CADM2: variants seen among roughly 807,000 people sequenced by gnomAD.
CADM2 encodes the protein cell adhesion molecule 2.
CADM2 carries 12 observed loss-of-function variants against 49.8 expected under a neutral mutation model. The observed-to-expected ratio is 0.24, with a 90% CI of 0.15 to 0.39. The LOEUF is 0.39. CADM2 is among the 10% of genes least tolerant of loss of function. The pLI is 1.00. For synonymous variants in CADM2, 214 were observed against 175.4 expected (o/e 1.22, Z -1.74); for missense variants, 378 against 492.3 (o/e 0.77, Z 2.20).
At chr3:85,442,154 G>T (rs1045414740) in intron 1 of CADM2, among the ~76,000 whole-genome samples, 3 of 151,970 alleles carry the variant, frequency 2.0e-5, no homozygotes, top group African/African-American at 7.2e-5. Context: ...CGTCATAAAA[G>T]AAACCATGTT....
intron 1 of CADM2, among the ~76,000 whole-genome samples, chr3:84,960,842 T>C (rs1197067342): frequency 6.6e-6 from 1 of 152,034 alleles, no homozygotes; most frequent in African/African-American, 2.4e-5. Context: ...GAGGACACTT[T>C]GGGTGGTGGA....
intron 1 of CADM2, among the ~76,000 whole-genome samples, chr3:85,228,944 T>C (rs901859304): frequency 6.6e-6 from 1 of 152,170 alleles, no homozygotes; most frequent in Non-Finnish European, 1.5e-5. Flanking sequence ...CCCCAGGTAC[T>C]CTGTCCCAGG....
intron 1 of CADM2, among the ~76,000 whole-genome samples, chr3:85,520,387 C>A (rs773905389): frequency 6.6e-6 from 1 of 151,814 alleles, no homozygotes; most frequent in Non-Finnish European, 1.5e-5. Context: ...ATGTTGATTT[C>A]TGCATATATA....
At chr3:85,997,272 C>T (rs1368117858) in intron 8 of CADM2, among the ~76,000 whole-genome samples, 1 of 152,084 alleles carries the variant, frequency 6.6e-6, no homozygotes, top group Non-Finnish European at 1.5e-5. Context: ...AGAATAAAAG[C>T]CCTGTGTATT....
chr3:85,322,830 A>T (rs1403842291), intron 1 of CADM2, among the ~76,000 whole-genome samples: 1 of 152,254 alleles, frequency 6.6e-6, no homozygotes, highest in Middle Eastern at 3.4e-3. Context: ...GAGAGCAGAA[A>T]CTCTTGAATG....
intron 1 of CADM2, among the ~76,000 whole-genome samples, chr3:85,598,842 AGTGTGT>A (rs532715696): frequency 9.6e-5 from 13 of 135,436 alleles, no homozygotes; most frequent in Admixed American, 7.4e-4. Flanking sequence ...CATATACTTA[AGTGTGT>A]GTGTGTGTAT....
intron 1 of CADM2, among the ~76,000 whole-genome samples, chr3:85,400,472 T>C (rs1457982183): frequency 6.6e-6 from 1 of 152,146 alleles, no homozygotes; most frequent in Non-Finnish European, 1.5e-5. Flanking sequence ...ATAAAATGAG[T>C]TAGGGAGCAT....
chr3:85,383,002 C>G (rs2033989196), intron 1 of CADM2, among the ~76,000 whole-genome samples: 1 of 152,076 alleles, frequency 6.6e-6, no homozygotes, highest in Non-Finnish European at 1.5e-5. Flanking sequence ...TGCTGAAAAC[C>G]TAACTTAGGA....
chr3:85,348,870 A>G (rs2031047883), intron 1 of CADM2, among the ~76,000 whole-genome samples: 1 of 152,164 alleles, frequency 6.6e-6, no homozygotes, highest in Admixed American at 6.5e-5. Context: ...TAATAATCAT[A>G]TATTCAGAAA....
chr3:86,016,690 A>T (rs1254112526), intron 8 of CADM2, among the ~76,000 whole-genome samples: 1 of 152,140 alleles, frequency 6.6e-6, no homozygotes, highest in African/African-American at 2.4e-5. Flanking sequence ...CTATAATCTT[A>T]ACCTCCTGAA....
intron 1 of CADM2, among the ~76,000 whole-genome samples, chr3:85,568,441 T>TTTTCTTTCTTTCTTTCTCTTTCTCTCTC (rs2062349899): frequency 7.3e-5 from 2 of 27,492 alleles, no homozygotes; most frequent in African/African-American, 2.5e-4. Context: ...CTTTCTTTCT[T>TTTTCTTTCTTTCTTTCTCTTTCTCTCTC]TCTTTCTTTC....
At chr3:85,416,966 G>A (rs1321450326) in intron 1 of CADM2, among the ~76,000 whole-genome samples, 1 of 151,816 alleles carries the variant, frequency 6.6e-6, no homozygotes, top group African/African-American at 2.4e-5. Context: ...TTTTTCAATT[G>A]TGCTTTATTC....
At chr3:85,853,340 G>A (rs543872084) in intron 3 of CADM2, among the ~76,000 whole-genome samples, 4 of 151,676 alleles carry the variant, frequency 2.6e-5, no homozygotes, top group East Asian at 1.9e-4. Context: ...GAAGAAGGGG[G>A]ACAGATCATC....
At chr3:85,052,320 T>A (rs915178334) in intron 1 of CADM2, among the ~76,000 whole-genome samples, 2 of 152,110 alleles carry the variant, frequency 1.3e-5, no homozygotes, top group African/African-American at 2.4e-5. Context: ...CAACCCTCTC[T>A]CTCTTTCCAA....
intron 1 of CADM2, among the ~76,000 whole-genome samples, chr3:85,400,520 A>C (rs1297000223): frequency 6.6e-6 from 1 of 152,152 alleles, no homozygotes; most frequent in Non-Finnish European, 1.5e-5. Context: ...TTTCAGAAGG[A>C]ATGGTACCAG....
chr3:85,103,021 A>G (rs2038069302), intron 1 of CADM2, among the ~76,000 whole-genome samples: 1 of 152,212 alleles, frequency 6.6e-6, no homozygotes, highest in South Asian at 2.1e-4. Flanking sequence ...GTGGACAGTC[A>G]TTAATTCCCA....
At chr3:85,659,781 C>A (rs2065341881) in intron 1 of CADM2, among the ~76,000 whole-genome samples, 2 of 152,062 alleles carry the variant, frequency 1.3e-5, no homozygotes, top group Admixed American at 1.3e-4. Context: ...TGGGATTGCT[C>A]TAAAATTCAG....
chr3:85,544,494 G>C (rs923915609), intron 1 of CADM2, among the ~76,000 whole-genome samples: 2 of 152,064 alleles, frequency 1.3e-5, no homozygotes, highest in Non-Finnish European at 2.9e-5. Flanking sequence ...GGTGAATGGC[G>C]TGAACCCGGG....
intron 1 of CADM2, among the ~76,000 whole-genome samples, chr3:85,299,070 T>G (rs72921316): frequency 0.066 from 10,083 of 152,134 alleles, 1,092 homozygotes; most frequent in African/African-American, 0.23. Context: ...CTATTTTAAT[T>G]TTTAAAGATT....
Sources: gnomAD v4.1 joint callset for allele counts (sites outside exome capture counted in the v4.1 genomes callset) on GRCh38, gnomAD v4.1.1 for gene constraint, MANE v1.5 for transcripts, NCBI Gene and HGNC (gene_info 2026-07-23, HGNC 2026-07-21) for gene names.